Variants in FRMD5 observed in about 807,000 individuals in gnomAD.
FRMD5 encodes FERM domain-containing protein 5.
A neutral mutation model predicts 69.0 loss-of-function variants in FRMD5; 20 were observed. That is an observed-to-expected ratio of 0.29 (90% CI 0.20 to 0.42). FRMD5 has a LOEUF of 0.42. FRMD5 is among the 10% of genes least tolerant of loss of function. FRMD5 has a pLI of 1.00. For synonymous variants in FRMD5, 271 were observed against 260.1 expected (o/e 1.04, Z -0.40); for missense variants, 595 against 708.6 (o/e 0.84, Z 1.82).
Position 43,873,447 on chromosome 15 carries a change from AAGCTCCTGCAGAATAC to A in FRMD5, c.*422_*437del. 2 of 1,429,168 alleles carry A rather than the reference AAGCTCCTGCAGAATAC, an allele frequency of 1.4e-6. No homozygotes were observed. Among genetic ancestry groups the A allele is most frequent in the Non-Finnish European group, 1.8e-6 (2 of 1,101,522 alleles). 88.5% of individuals were successfully genotyped at this position (1,429,168 alleles called of 1,614,324 possible). On this transcript the variant is annotated 3_prime_UTR_variant, in exon 14 of 14. Transcript: ENST00000417257. The stretch of plus-strand genomic sequence containing the variant: ...TGGAACCCAGTGGCACCAGCAGGAA[AAGCTCCTGCAGAATAC>A]AGAGGACAGCAGCTCTCTAGTTTTC...
At chr15:43,930,844 T>C (rs1033957535) in intron 1 of FRMD5, among the ~76,000 whole-genome samples, 7 of 152,148 alleles carry the variant, frequency 4.6e-5, no homozygotes, top group South Asian at 2.1e-4. Flanking sequence ...GTCTGGAACA[T>C]GGAGGTCACC....
intron 1 of FRMD5, among the ~76,000 whole-genome samples, chr15:44,011,390 G>C (rs1454639613): frequency 6.6e-6 from 1 of 152,156 alleles, no homozygotes; most frequent in Non-Finnish European, 1.5e-5. Flanking sequence ...AACTGTTGTG[G>C]GGATCACTAA....
At chr15:44,123,283 T>G (rs1334944695) in intron 1 of FRMD5, among the ~76,000 whole-genome samples, 1 of 151,544 alleles carries the variant, frequency 6.6e-6, no homozygotes, top group East Asian at 1.9e-4. Context: ...AGGCACAGGT[T>G]GCGGTGAGCT....
At chr15:44,090,737 G>A (rs779370584) in intron 1 of FRMD5, among the ~76,000 whole-genome samples, 14 of 152,086 alleles carry the variant, frequency 9.2e-5, no homozygotes, top group Non-Finnish European at 1.8e-4. Context: ...ACTGTGCCTG[G>A]GCGAATAACT....
At chr15:44,064,559 A>G (rs1418985926) in intron 1 of FRMD5, among the ~76,000 whole-genome samples, 1 of 152,188 alleles carries the variant, frequency 6.6e-6, no homozygotes, top group Non-Finnish European at 1.5e-5. Context: ...ATTGCACTCC[A>G]TCTTGGGCGA....
At chr15:43,968,201 T>G (rs768294049) in intron 1 of FRMD5, among the ~76,000 whole-genome samples, 1 of 152,212 alleles carries the variant, frequency 6.6e-6, no homozygotes, top group Non-Finnish European at 1.5e-5. Flanking sequence ...TTATCTCATC[T>G]GTACCCCAAC....
intron 1 of FRMD5, among the ~76,000 whole-genome samples, chr15:44,069,939 T>C (rs1000801579): frequency 6.6e-6 from 1 of 152,218 alleles, no homozygotes; most frequent in African/African-American, 2.4e-5. Context: ...AAATCTGGCA[T>C]GCAGTTTTCA....
intron 1 of FRMD5, among the ~76,000 whole-genome samples, chr15:44,129,565 G>C (rs1452072272): frequency 6.6e-6 from 1 of 151,996 alleles, no homozygotes; most frequent in Non-Finnish European, 1.5e-5. Flanking sequence ...GTAATCCTTA[G>C]AGGTTCTCTG....
chr15:44,137,551 T>C (rs776266058), intron 1 of FRMD5, among the ~76,000 whole-genome samples: 1 of 152,164 alleles, frequency 6.6e-6, no homozygotes, highest in Admixed American at 6.5e-5. Flanking sequence ...GAAGCCTAAC[T>C]AGTACTTTTT....
rs148296714 is a variant in FRMD5, at chr15:43,996,349, C to A, written c.103-72040G>T. On this transcript the variant is annotated intron_variant, in intron 1 of 13. Transcript: ENST00000417257. ...GGCCCAGTGTTGAGGAATGAGGCAA[C>A]GTCCGGTACTCACTCTCCTTCCCTC... 2.5e-3 allele frequency among the ~76,000 whole-genome samples: 375 copies of A among 152,276 alleles called. 5 individuals are homozygous for A. The East Asian group carries it at 0.036, about 15-fold the overall frequency.
At chr15:43,989,801 C>A (rs917015541) in intron 1 of FRMD5, 4 of 1,039,438 alleles carry the variant, frequency 3.8e-6, no homozygotes, top group East Asian at 5.2e-5. Context: ...GCTGGCCTGT[C>A]GAAGATCTCC....
chr15:43,901,923 C>T (rs1282787979), intron 7 of FRMD5: 18 of 458,194 alleles, frequency 3.9e-5, no homozygotes, highest in African/African-American at 6.0e-5. Context: ...TTACCCATTG[C>T]GGGGCCCTAG....
Position 43,975,875 on chromosome 15 carries a change from T to C in FRMD5, c.103-51566A>G, listed in dbSNP as rs918289169. Among the ~76,000 whole-genome samples the C allele has an allele frequency of 9.9e-5, 15 of 152,108 alleles. 1 individual carries two copies. Among genetic ancestry groups the C allele is most frequent in the Admixed American group, 8.5e-4 (13 of 15,268 alleles). On this transcript the variant is annotated intron_variant, in intron 1 of 13. Coordinates refer to ENST00000417257, the MANE Select transcript of FRMD5 (RefSeq NM_032892.5). The stretch of plus-strand genomic sequence containing the variant: ...AATATGATCTAGATTCAAGATATTA[T>C]AAAGCTACAATAACCAAGACAGTGT...
intron 1 of FRMD5, among the ~76,000 whole-genome samples, chr15:44,049,714 T>C (rs531993001): frequency 1.3e-5 from 2 of 152,240 alleles, no homozygotes; most frequent in East Asian, 3.9e-4. Context: ...CAACAAATGT[T>C]ATTTAATACC....
chr15:44,049,666 C>G (rs530225383), intron 1 of FRMD5, among the ~76,000 whole-genome samples: 5 of 152,302 alleles, frequency 3.3e-5, no homozygotes, highest in African/African-American at 1.2e-4. Context: ...CTTGTCCTTT[C>G]TGTCATCTCC....
intron 1 of FRMD5, among the ~76,000 whole-genome samples, chr15:44,005,232 G>A (rs1199559789): frequency 2.0e-5 from 3 of 152,136 alleles, no homozygotes; most frequent in Non-Finnish European, 4.4e-5. Context: ...CTGTAATCCA[G>A]CACTTTGCGA....
chr15:43,954,625 G>C (rs2140521419), intron 1 of FRMD5, among the ~76,000 whole-genome samples: 2 of 152,344 alleles, frequency 1.3e-5, no homozygotes, highest in Middle Eastern at 3.4e-3. Context: ...CAACAAGTAT[G>C]ACATTTTACT....
At chr15:44,039,020 C>T (rs1892063086) in intron 1 of FRMD5, among the ~76,000 whole-genome samples, 1 of 152,164 alleles carries the variant, frequency 6.6e-6, no homozygotes, top group African/African-American at 2.4e-5. Context: ...TCCACCATTG[C>T]TAAGGATGGA....
chr15:44,185,614 G>T (rs910928567), intron 1 of FRMD5, among the ~76,000 whole-genome samples: 1 of 151,978 alleles, frequency 6.6e-6, no homozygotes, highest in African/African-American at 2.4e-5. Context: ...CCAACATGGT[G>T]AAACCCCTTC....
Sources: allele counts gnomAD v4.1 joint callset (sites outside exome capture counted in the v4.1 genomes callset), GRCh38; gene constraint gnomAD v4.1.1; transcripts MANE v1.5; gene names NCBI Gene and HGNC (gene_info 2026-07-23, HGNC 2026-07-21).